Variants in PLXDC2 observed in about 807,000 individuals in gnomAD.
The protein encoded by PLXDC2 is plexin domain containing 2.
In PLXDC2, 40 loss-of-function variants were observed where a neutral mutation model predicts 68.9. That is an observed-to-expected ratio of 0.58 (90% CI 0.45 to 0.76). The LOEUF (loss-of-function observed/expected upper bound fraction) is 0.76. Among genes scored for constraint, PLXDC2 ranks in the 30% least tolerant of loss-of-function variants. The pLI, the probability that PLXDC2 is intolerant of heterozygous loss-of-function variation, is 0.00. For missense variants in PLXDC2, 644 were observed against 661.9 expected (o/e 0.97, Z 0.30); for synonymous variants, 243 against 234.2 (o/e 1.04, Z -0.34).
At chr10:19,838,975 C>T (rs1264489447) in intron 1 of PLXDC2, among the ~76,000 whole-genome samples, 1 of 152,024 alleles carries the variant, frequency 6.6e-6, no homozygotes, top group Non-Finnish European at 1.5e-5. Context: ...CACCTAAGGC[C>T]AGGAGTTCAA....
At chr10:20,164,122 G>T (rs1564338733) in intron 6 of PLXDC2, among the ~76,000 whole-genome samples, 1 of 152,138 alleles carries the variant, frequency 6.6e-6, no homozygotes, top group East Asian at 1.9e-4. Flanking sequence ...AGGAAAATCT[G>T]TTTCCAAAAT....
chr10:19,882,691 C>T (rs180774627), intron 1 of PLXDC2, among the ~76,000 whole-genome samples: 11 of 152,148 alleles, frequency 7.2e-5, no homozygotes, highest in African/African-American at 1.9e-4. Context: ...CAACTCTGAA[C>T]GAATAGATGA....
chr10:19,987,604 C>T (rs1332437231), intron 1 of PLXDC2, among the ~76,000 whole-genome samples: 3 of 151,616 alleles, frequency 2.0e-5, no homozygotes, highest in Non-Finnish European at 4.4e-5. Flanking sequence ...TTCTGTCACC[C>T]AGGCTGGAGT....
chr10:19,863,209 C>T (rs1379739558), intron 1 of PLXDC2, among the ~76,000 whole-genome samples: 2 of 152,212 alleles, frequency 1.3e-5, no homozygotes, highest in East Asian at 3.9e-4. Context: ...GCCCTTTTCC[C>T]TCCGGGTTTT....
chr10:20,228,178 T>C (rs1001091394), intron 12 of PLXDC2, among the ~76,000 whole-genome samples: 2 of 152,184 alleles, frequency 1.3e-5, no homozygotes, highest in African/African-American at 2.4e-5. Context: ...TTGAGAAATA[T>C]AACCATAAGA....
At chr10:20,013,463 A>C (rs1564656723) in intron 2 of PLXDC2, among the ~76,000 whole-genome samples, 1 of 152,130 alleles carries the variant, frequency 6.6e-6, no homozygotes, top group Non-Finnish European at 1.5e-5. Flanking sequence ...AAATTTTTAT[A>C]ATTTTCAAAG....
chr10:19,885,961 T>C (rs549570746), intron 1 of PLXDC2, among the ~76,000 whole-genome samples: 7,854 of 151,810 alleles, frequency 0.052, 223 homozygotes, highest in Middle Eastern at 0.12. Flanking sequence ...GCCATTTTCA[T>C]GATATTGATT....
At chr10:19,970,058 C>T (rs7922844) in intron 1 of PLXDC2, among the ~76,000 whole-genome samples, 118,889 of 152,082 alleles carry the variant, frequency 0.78, 47,544 homozygotes, top group East Asian at 0.95. Context: ...CTCATGCCTA[C>T]GTTCTTGAAC....
At chr10:19,918,218 G>A (rs1466839660) in intron 1 of PLXDC2, among the ~76,000 whole-genome samples, 3 of 152,164 alleles carry the variant, frequency 2.0e-5, no homozygotes, top group African/African-American at 7.2e-5. Flanking sequence ...CACTGTTTGA[G>A]AGAGACCAAG....
chr10:20,052,345 C>G, intron 3 of PLXDC2, among the ~76,000 whole-genome samples: 1 of 151,994 alleles, frequency 6.6e-6, no homozygotes, highest in East Asian at 1.9e-4. Flanking sequence ...GCCTGGTTCT[C>G]TGTTTCATTT....
At chr10:20,179,194 T>C (rs1283431949) in intron 9 of PLXDC2, among the ~76,000 whole-genome samples, 1 of 152,140 alleles carries the variant, frequency 6.6e-6, no homozygotes, top group East Asian at 1.9e-4. Context: ...CGTCCAAGTC[T>C]GCATGAGGTG....
chr10:20,252,450 T>A (rs990588129), intron 13 of PLXDC2, among the ~76,000 whole-genome samples: 8 of 152,244 alleles, frequency 5.3e-5, no homozygotes, highest in Admixed American at 4.6e-4. Context: ...CTAGACACTT[T>A]TAAAATTATG....
rs1836086343 is a variant in PLXDC2, at chr10:20,281,877, A to G, written c.*2058A>G. On this transcript the variant is annotated 3_prime_UTR_variant, in exon 14 of 14. Coordinates refer to ENST00000377252, the MANE Select transcript of PLXDC2 (RefSeq NM_032812.9). ...TTTAGGATAAAATGATGCTTCTTTC[A>G]CTACCTTTTGTGGTAGCTGTGGCTT... 6.6e-6 allele frequency: 1 copy of G among 152,098 alleles called. No homozygotes were observed. Among genetic ancestry groups the G allele is most frequent in the Admixed American group, 6.6e-5 (1 of 15,252 alleles). The allele number at this position is 152,098 out of a possible 1,614,324, so 9.4% of individuals were successfully genotyped here. A position where few individuals can be genotyped will look rare whatever the true frequency, so the allele number is the denominator to read the frequency against.
intron 1 of PLXDC2, among the ~76,000 whole-genome samples, chr10:19,928,846 C>T (rs896344914): frequency 6.6e-6 from 1 of 150,792 alleles, no homozygotes; most frequent in African/African-American, 2.4e-5. Flanking sequence ...CCTCGGCCTC[C>T]TGGGTTCAAG....
chr10:19,955,850 TG>T (rs1402022511), intron 1 of PLXDC2, among the ~76,000 whole-genome samples: 1 of 152,010 alleles, frequency 6.6e-6, no homozygotes, highest in East Asian at 1.9e-4. Context: ...GAGGCTGAGG[TG>T]GGTGGATCAC....
intron 1 of PLXDC2, among the ~76,000 whole-genome samples, chr10:19,980,105 G>A (rs192774475): frequency 6.6e-6 from 1 of 152,268 alleles, no homozygotes; most frequent in Admixed American, 6.5e-5. Flanking sequence ...CTAAACTGTT[G>A]ACATACAAGA....
At chr10:19,918,582 A>T (rs866425101) in intron 1 of PLXDC2, among the ~76,000 whole-genome samples, 5 of 152,208 alleles carry the variant, frequency 3.3e-5, no homozygotes, top group Admixed American at 6.5e-5. Context: ...TTCAACTATG[A>T]TGTATTTTAA....
rs1836397774 is a variant in PLXDC2, at chr10:19,818,351, C to T, written c.112+1160C>T. On this transcript the variant is annotated intron_variant, in intron 1 of 13. Coordinates refer to ENST00000377252, the MANE Select transcript of PLXDC2 (RefSeq NM_032812.9). Reference sequence around the variant, plus strand: ...GAGTCACAGATGGAAGGTTGGGGGACACCTGGGGATTCCAGGCAAGGTGAA... The same window carrying T: ...GAGTCACAGATGGAAGGTTGGGGGATACCTGGGGATTCCAGGCAAGGTGAA... 2.0e-5 allele frequency among the ~76,000 whole-genome samples: 3 copies of T among 151,050 alleles called. No individual in the cohort carries two copies. In the South Asian group the frequency reaches 6.3e-4, roughly 32 times the overall value.
At chr10:20,103,418 C>G (rs558513260) in intron 4 of PLXDC2, among the ~76,000 whole-genome samples, 33 of 152,192 alleles carry the variant, frequency 2.2e-4, no homozygotes, top group Middle Eastern at 3.4e-3. Flanking sequence ...TGAAAAAGCC[C>G]TGGGCACAGA....
Sources: allele counts gnomAD v4.1 joint callset (sites outside exome capture counted in the v4.1 genomes callset), GRCh38; gene constraint gnomAD v4.1.1; transcripts MANE v1.5; gene names NCBI Gene and HGNC (gene_info 2026-07-23, HGNC 2026-07-21).